The following ATP8A2 variants were observed in gnomAD, a reference collection of about 807,000 sequenced individuals.
ATP8A2 encodes the protein phospholipid-transporting ATPase IB.
A neutral mutation model predicts 165.6 loss-of-function variants in ATP8A2; 100 were observed. The observed-to-expected ratio is 0.60, with a 90% CI of 0.51 to 0.71. The LOEUF is 0.71. Among genes scored for constraint, ATP8A2 ranks in the 30% least tolerant of loss-of-function variants. The pLI is 0.00. For missense variants in ATP8A2, 1,227 were observed against 1,479.5 expected (o/e 0.83, Z 2.80); for synonymous variants, 543 against 548.8 (o/e 0.99, Z 0.15).
intron 27 of ATP8A2, among the ~76,000 whole-genome samples, chr13:25,824,524 A>G (rs987082083): frequency 2.0e-5 from 3 of 152,016 alleles, no homozygotes; most frequent in Admixed American, 2.0e-4. Context: ...TTTCTATAAT[A>G]TTTTTGGAAG....
rs1368772990 is a variant in ATP8A2 at position 25,828,186 on chromosome 13, C to A, written c.2748C>A (p.Tyr916Ter). The change falls in exon 28 of 37, where the codon TAC becomes TAA. Residue 916 changes from tyrosine (Y) to a stop codon, truncating the protein, a stop_gained. Transcript: ENST00000381655. LOFTEE classifies it high-confidence loss of function. ...ILFERWCIGL[Y>*]NVIFTALPPF... is the part of the protein sequence containing the mutation. ...TTGAACGTTGGTGCATCGGCCTGTA[C>A]AATGTGGTAAGCATTCTTCATCTCT... 3 of 1,613,208 alleles carry A rather than the reference C, an allele frequency of 1.9e-6. No homozygotes were observed. Among genetic ancestry groups the A allele is most frequent in the Non-Finnish European group, 2.5e-6 (3 of 1,179,280 alleles).
rs992060183 is a variant in ATP8A2, at chr13:26,024,298, G to C, written c.*4313G>C. 1 of 152,158 alleles carries C rather than the reference G, an allele frequency of 6.6e-6. No homozygotes were observed. Among genetic ancestry groups the C allele is most frequent in the Admixed American group, 6.5e-5 (1 of 15,282 alleles). 9.4% of individuals were successfully genotyped at this position (152,158 alleles called of 1,614,324 possible). On this transcript the variant is annotated 3_prime_UTR_variant, in exon 37 of 37. Coordinates refer to ENST00000381655, the MANE Select transcript of ATP8A2 (RefSeq NM_016529.6). ...AAGGTGTTAACAGACCAGCACGCTC[G>C]ATGTGTTGTACCCTTCATTTATTTT... is the stretch of plus-strand genomic sequence containing the variant.
At position 25,886,293 on chromosome 13, in the gene ATP8A2, AT is replaced by A. The variant is rs552959547; in HGVS notation, c.3183+23888del. ...CGGGGTGGTGATGGTGGAATAGCGTATTTGTTGCTGGGATGAGGTCATAAAG... is the reference window on the plus strand; with the variant it reads ...CGGGGTGGTGATGGTGGAATAGCGTATTGTTGCTGGGATGAGGTCATAAAG... On this transcript the variant is annotated intron_variant, in intron 33 of 36. Transcript: ENST00000381655. 7.9e-5 allele frequency among the ~76,000 whole-genome samples: 12 copies of A among 152,306 alleles called. No homozygotes were observed. In the East Asian group the frequency reaches 2.3e-3, roughly 29 times the overall value.
chr13:25,942,912 G>A (rs184672682), intron 33 of ATP8A2, among the ~76,000 whole-genome samples: 3 of 152,232 alleles, frequency 2.0e-5, no homozygotes, highest in South Asian at 2.1e-4. Context: ...CCATTTGGAC[G>A]AGTAGTATTG....
intron 25 of ATP8A2, chr13:25,705,411 T>A (rs570935890): frequency 6.1e-6 from 1 of 165,236 alleles, no homozygotes; most frequent in Non-Finnish European, 1.3e-5. Flanking sequence ...CGGCTTCACA[T>A]CTCTGGGCAA....
At chr13:25,479,326 G>A (rs1199290326) in intron 2 of ATP8A2, among the ~76,000 whole-genome samples, 1 of 152,100 alleles carries the variant, frequency 6.6e-6, no homozygotes, top group South Asian at 2.1e-4. Context: ...GCTTTTGGCC[G>A]ATTTGTCAGA....
chr13:25,876,833 T>G (rs1952831528), intron 33 of ATP8A2, among the ~76,000 whole-genome samples: 1 of 152,178 alleles, frequency 6.6e-6, no homozygotes, highest in Admixed American at 6.5e-5. Flanking sequence ...CAAATAGAAT[T>G]AAATATTGCA....
intron 25 of ATP8A2, among the ~76,000 whole-genome samples, chr13:25,733,233 C>A (rs984699349): frequency 6.6e-6 from 1 of 151,994 alleles, no homozygotes; most frequent in Non-Finnish European, 1.5e-5. Context: ...GTCAAAAAAA[C>A]CTAGCCAGAT....
intron 25 of ATP8A2, among the ~76,000 whole-genome samples, chr13:25,720,480 G>A (rs2043355207): frequency 1.3e-5 from 2 of 152,114 alleles, no homozygotes; most frequent in African/African-American, 2.4e-5. Context: ...TCTGATAAAT[G>A]TATACTTCTA....
At chr13:25,713,213 C>T (rs781594794) in intron 25 of ATP8A2, among the ~76,000 whole-genome samples, 21 of 152,172 alleles carry the variant, frequency 1.4e-4, no homozygotes, top group Non-Finnish European at 2.5e-4. Flanking sequence ...AAGCAGAAAT[C>T]GCATCTTCTA....
chr13:25,575,368 G>T (rs2138203728), intron 19 of ATP8A2, among the ~76,000 whole-genome samples: 1 of 152,298 alleles, frequency 6.6e-6, no homozygotes, highest in Admixed American at 6.5e-5. Context: ...ATTTTAAAAA[G>T]TTAGACCCAG....
chr13:25,541,407 C>A (rs1012882184), intron 8 of ATP8A2, among the ~76,000 whole-genome samples: 4 of 152,048 alleles, frequency 2.6e-5, no homozygotes, highest in Non-Finnish European at 5.9e-5. Context: ...CCTGTAGTCC[C>A]AGCTACTTAG....
At chr13:25,869,640 T>A (rs1425599631) in intron 33 of ATP8A2, among the ~76,000 whole-genome samples, 1 of 152,198 alleles carries the variant, frequency 6.6e-6, no homozygotes, top group Non-Finnish European at 1.5e-5. Flanking sequence ...ATAAGACATG[T>A]CAGTAACAGT....
At chr13:25,540,241 C>A (rs1328977323) in intron 7 of ATP8A2, 78 bp from the exon 8 acceptor site, 5 of 1,070,452 alleles carry the variant, frequency 4.7e-6, no homozygotes, top group African/African-American at 3.1e-5. Flanking sequence ...GACACAGATT[C>A]CATAATAGAG....
chr13:25,900,246 G>A (rs1180027339), intron 33 of ATP8A2, among the ~76,000 whole-genome samples: 1 of 152,118 alleles, frequency 6.6e-6, no homozygotes, highest in African/African-American at 2.4e-5. Flanking sequence ...ACATGTACAG[G>A]CACAATTGAG....
chr13:25,771,904 C>T (rs987963603), intron 26 of ATP8A2, among the ~76,000 whole-genome samples: 1 of 152,156 alleles, frequency 6.6e-6, no homozygotes, highest in African/African-American at 2.4e-5. Context: ...GGTTGTTTAT[C>T]GCCTTGGGCT....
At chr13:25,510,231 G>T (rs1037045296) in intron 2 of ATP8A2, among the ~76,000 whole-genome samples, 7 of 145,934 alleles carry the variant, frequency 4.8e-5, no homozygotes, top group African/African-American at 1.3e-4. Flanking sequence ...AGAGAATGTT[G>T]AAATAAATGG....
intron 24 of ATP8A2, among the ~76,000 whole-genome samples, chr13:25,613,601 C>A (rs1386413710): frequency 6.6e-6 from 1 of 152,022 alleles, no homozygotes; most frequent in Non-Finnish European, 1.5e-5. Context: ...AACAAACAAA[C>A]ACAAAAAAAG....
chr13:25,658,748 A>C (rs2041987104), intron 24 of ATP8A2, among the ~76,000 whole-genome samples: 1 of 152,192 alleles, frequency 6.6e-6, no homozygotes, highest in African/African-American at 2.4e-5. Flanking sequence ...ACACTGCCAA[A>C]TCCAGAGCAA....
Sources: gnomAD v4.1 joint callset for allele counts (sites outside exome capture counted in the v4.1 genomes callset) on GRCh38, gnomAD v4.1.1 for gene constraint, MANE v1.5 for transcripts, NCBI Gene and HGNC (gene_info 2026-07-23, HGNC 2026-07-21) for gene names.